Variants in CSMD3 observed in about 807,000 individuals in gnomAD.
The protein encoded by CSMD3 is CUB and sushi domain-containing protein 3.
Under a neutral mutation model 435.2 loss-of-function variants are expected in CSMD3, and 177 were observed. The observed-to-expected ratio is 0.41, with a 90% confidence interval of 0.36 to 0.46. CSMD3 has a LOEUF of 0.46. Among genes scored for constraint, CSMD3 ranks in the 20% least tolerant of loss-of-function variants. CSMD3 has a pLI of 0.34. For synonymous variants in CSMD3, 1,656 were observed against 1,520.5 expected (o/e 1.09, Z -2.07); for missense variants, 4,265 against 4,504.6 (o/e 0.95, Z 1.52).
intron 3 of CSMD3, among the ~76,000 whole-genome samples, chr8:113,241,839 ACATCCATACTGACACC>A (rs1431342948): frequency 1.3e-5 from 2 of 151,814 alleles, no homozygotes; most frequent in African/African-American, 4.8e-5. Context: ...TTTCAGAAAA[ACATCCATACTGACACC>A]AGAAAAGAGC....
chr8:112,824,690 C>T (rs1462985052), intron 12 of CSMD3, among the ~76,000 whole-genome samples: 1 of 152,178 alleles, frequency 6.6e-6, no homozygotes, highest in Admixed American at 6.5e-5. Flanking sequence ...GTCTGATGGG[C>T]TTCCCTTTGT....
At chr8:112,703,603 G>A (rs1028613302) in intron 13 of CSMD3, among the ~76,000 whole-genome samples, 2 of 152,068 alleles carry the variant, frequency 1.3e-5, no homozygotes. Flanking sequence ...GACAACAGTT[G>A]ACACTATAAT....
chr8:112,798,668 C>T (rs1394335538), intron 13 of CSMD3, among the ~76,000 whole-genome samples: 2 of 151,798 alleles, frequency 1.3e-5, no homozygotes, highest in Admixed American at 6.6e-5. Flanking sequence ...GTGTAAATAT[C>T]GATAGAACTC....
chr8:112,414,883 G>C (rs193002829), intron 32 of CSMD3, among the ~76,000 whole-genome samples: 4 of 152,298 alleles, frequency 2.6e-5, no homozygotes, highest in East Asian at 3.9e-4. Flanking sequence ...TGCTAGAGAT[G>C]TGTGGAACTT....
intron 24 of CSMD3, among the ~76,000 whole-genome samples, chr8:112,560,132 TAA>T (rs1239021174): frequency 6.6e-6 from 1 of 151,746 alleles, no homozygotes; most frequent in Non-Finnish European, 1.5e-5. Flanking sequence ...ACAACATACA[TAA>T]AGTCACAAGA....
At chr8:113,345,974 T>C (rs1317587032) in intron 1 of CSMD3, among the ~76,000 whole-genome samples, 11 of 151,994 alleles carry the variant, frequency 7.2e-5, no homozygotes, top group Admixed American at 7.2e-4. Context: ...CTATCTCTAT[T>C]GATCTTCCAG....
At chr8:112,796,157 A>C (rs569844823) in intron 13 of CSMD3, among the ~76,000 whole-genome samples, 1 of 152,092 alleles carries the variant, frequency 6.6e-6, no homozygotes, top group Non-Finnish European at 1.5e-5. Flanking sequence ...GCTTTTCCTA[A>C]AAATCTCTCA....
intron 13 of CSMD3, among the ~76,000 whole-genome samples, chr8:112,725,091 T>C (rs551075161): frequency 2.6e-5 from 4 of 151,932 alleles, no homozygotes; most frequent in East Asian, 1.9e-4. Context: ...TTGAGCAAGT[T>C]TGCAGCAAAG....
intron 1 of CSMD3, among the ~76,000 whole-genome samples, chr8:113,354,541 T>A (rs1041512965): frequency 6.6e-6 from 1 of 152,242 alleles, no homozygotes; most frequent in Non-Finnish European, 1.5e-5. Flanking sequence ...TAAACATGAA[T>A]GTTCTAAGAA....
At chr8:113,285,241 G>A (rs1013810453) in intron 2 of CSMD3, among the ~76,000 whole-genome samples, 1 of 149,688 alleles carries the variant, frequency 6.7e-6, no homozygotes, top group African/African-American at 2.5e-5. Flanking sequence ...GGGAGCCATT[G>A]TCTGACTAGT....
intron 38 of CSMD3, among the ~76,000 whole-genome samples, chr8:112,379,230 G>A (rs1266801432): frequency 6.6e-6 from 1 of 152,218 alleles, no homozygotes; most frequent in Non-Finnish European, 1.5e-5. Flanking sequence ...AAAACTTTGG[G>A]AAGTCAAGGT....
intron 13 of CSMD3, among the ~76,000 whole-genome samples, chr8:112,745,331 C>A (rs2132073917): frequency 6.6e-6 from 1 of 151,876 alleles, no homozygotes; most frequent in South Asian, 2.1e-4. Flanking sequence ...TCATATCAAA[C>A]AAGAGAAAAA....
chr8:112,897,680 CTCTCTCTCTCTCTCTGTGTGTGTGTG>C (rs1446483028), intron 10 of CSMD3, among the ~76,000 whole-genome samples: 175 of 88,738 alleles, frequency 2.0e-3, no homozygotes, highest in African/African-American at 5.7e-3. Context: ...CTCTCTCTCT[CTCTCTCTCTCTCTCTGTGTGTGTGTG>C]TGTGTGTGTG....
rs748836043 is a variant in CSMD3, at chr8:112,656,202, T to C, written c.2956A>G (p.Thr986Ala). The part of the protein sequence containing the change: ...SSSNFIYLLF[T>A]TDNSRSNNGF... The stretch of plus-strand genomic sequence containing the variant: ...TTATTGGAACGACTGTTGTCTGTTG[T>C]AAATAGAAGGTATATAAAATTACTG... The change falls in exon 18 of 71, where the codon ACA becomes GCA. Residue 986 changes from threonine (T) to alanine (A), a missense_variant. Physicochemically the swap from Thr to Ala is moderately conservative, Grantham distance 58. Coordinates refer to ENST00000297405, the MANE Select transcript of CSMD3 (RefSeq NM_198123.2). 2.8e-5 allele frequency: 45 copies of C among 1,589,558 alleles called. No individual in the cohort carries two copies. The highest frequency in any genetic ancestry group is 3.8e-5 in the Non-Finnish European group (44 of 1,157,988).
At chr8:113,273,051 G>A (rs2093541809) in intron 3 of CSMD3, among the ~76,000 whole-genome samples, 1 of 151,918 alleles carries the variant, frequency 6.6e-6, no homozygotes, top group Non-Finnish European at 1.5e-5. Context: ...TGTTTGAGGT[G>A]ATAGATATCC....
chr8:113,342,306 C>A (rs890628087), intron 1 of CSMD3, among the ~76,000 whole-genome samples: 3 of 152,124 alleles, frequency 2.0e-5, no homozygotes, highest in African/African-American at 7.2e-5. Context: ...AGCTTCAATA[C>A]ACGATTCTCT....
At chr8:112,651,544 T>A (rs1192546988) in intron 18 of CSMD3, among the ~76,000 whole-genome samples, 1 of 150,546 alleles carries the variant, frequency 6.6e-6, no homozygotes, top group Non-Finnish European at 1.5e-5. Context: ...CCAGTGCATT[T>A]TTTTTTTTTT....
intron 22 of CSMD3, among the ~76,000 whole-genome samples, chr8:112,618,071 A>C (rs180809749): frequency 1.3e-5 from 2 of 152,168 alleles, no homozygotes; most frequent in African/African-American, 4.8e-5. Context: ...AAGGCTACTA[A>C]AGAAAATTCT....
chr8:112,511,685 C>A (rs775629870), intron 28 of CSMD3, among the ~76,000 whole-genome samples: 1 of 151,960 alleles, frequency 6.6e-6, no homozygotes, highest in African/African-American at 2.4e-5. Flanking sequence ...CCACCACGCC[C>A]GGGGTGGCAT....
Sources: allele counts gnomAD v4.1 joint callset (sites outside exome capture counted in the v4.1 genomes callset), GRCh38; gene constraint gnomAD v4.1.1; transcripts MANE v1.5; gene names NCBI Gene and HGNC (gene_info 2026-07-23, HGNC 2026-07-21).